POLD3: variants seen among roughly 807,000 people sequenced by gnomAD.
POLD3 encodes the protein DNA polymerase delta 3, accessory subunit.
In POLD3, 19 loss-of-function variants were observed where a neutral mutation model predicts 58.2. That is an observed-to-expected ratio of 0.33 (90% CI 0.23 to 0.48). POLD3 has a LOEUF of 0.48. Among genes scored for constraint, POLD3 ranks in the 20% least tolerant of loss-of-function variants. The pLI is 0.99. For synonymous variants in POLD3, 172 were observed against 193.5 expected (o/e 0.89, Z 0.92); for missense variants, 504 against 545.5 (o/e 0.92, Z 0.76).
At chr11:74,609,370 ATATTTTTTTTTTTT>A (rs1298828503) in intron 3 of POLD3, among the ~76,000 whole-genome samples, 10 of 18,118 alleles carry the variant, frequency 5.5e-4, no homozygotes, top group African/African-American at 1.7e-3. Flanking sequence ...ATATATATAT[ATATTTTTTTTTTTT>A]TTTTTTTTTT....
At chr11:74,644,179 G>A (rs1395451035), downstream of POLD3, among the ~76,000 whole-genome samples, 1 of 152,174 alleles carries the variant, frequency 6.6e-6, no homozygotes, top group Non-Finnish European at 1.5e-5. Context: ...ACAGGAGAGG[G>A]CTGAAGAGAA....
At chr11:74,630,919 A>G (rs1258888051) in intron 9 of POLD3, among the ~76,000 whole-genome samples, 2 of 152,238 alleles carry the variant, frequency 1.3e-5, no homozygotes, top group Admixed American at 1.3e-4. Flanking sequence ...TTGGGTGATT[A>G]GAAATGTGAG....
chr11:74,592,601 G>T lies in POLD3; in HGVS notation c.-58G>T, dbSNP rs561986878. The stretch of plus-strand genomic sequence containing the variant: ...GGGAGCAAAGACGTTTCCCGCCGGC[G>T]GGAGCTGTGGCTGTGATTGAGAGAG... On this transcript the variant is annotated 5_prime_UTR_variant, in exon 1 of 12. Transcript: ENST00000263681. 146 of 1,604,096 alleles carry T rather than the reference G, an allele frequency of 9.1e-5. No homozygotes were observed. The African/African-American group carries it at 1.7e-3, about 18-fold the overall frequency.
intron 4 of POLD3, among the ~76,000 whole-genome samples, chr11:74,651,756 C>T (rs1422741296): frequency 2.6e-5 from 4 of 152,146 alleles, no homozygotes; most frequent in African/African-American, 9.7e-5. Flanking sequence ...TGGTGACCAA[C>T]AGGGAGGTCA....
chr11:74,610,860 C>T (rs895557924), intron 3 of POLD3, among the ~76,000 whole-genome samples: 8 of 151,722 alleles, frequency 5.3e-5, no homozygotes, highest in South Asian at 2.1e-4. Flanking sequence ...TTGCAACCTC[C>T]GCCTCCCAGG....
At chr11:74,653,303 T>C (rs1432287769) in intron 4 of POLD3, among the ~76,000 whole-genome samples, 1 of 47,600 alleles carries the variant, frequency 2.1e-5, no homozygotes, top group East Asian at 5.2e-4. Context: ...AAAGTTGTAT[T>C]TCAAATACCT....
intron 3 of POLD3, among the ~76,000 whole-genome samples, chr11:74,609,372 A>ATATTTTTTTTTTTTTTTT: frequency 3.7e-5 from 1 of 27,210 alleles, no homozygotes; most frequent in Non-Finnish European, 6.1e-5. Flanking sequence ...ATATATATAT[A>ATATTTTTTTTTTTTTTTT]TTTTTTTTTT....
chr11:74,622,264 C>T (rs988200931), intron 7 of POLD3, among the ~76,000 whole-genome samples: 1 of 151,560 alleles, frequency 6.6e-6, no homozygotes, highest in African/African-American at 2.4e-5. Context: ...TTAATCCAGT[C>T]TATCATTGTT....
chr11:74,606,970 T>G (rs1456930931), intron 3 of POLD3, among the ~76,000 whole-genome samples: 1 of 152,104 alleles, frequency 6.6e-6, no homozygotes, highest in East Asian at 1.9e-4. Flanking sequence ...TTGAAGTGGT[T>G]GTGAGGATTT....
chr11:74,652,786 T>A (rs2033083452), intron 4 of POLD3: 2 of 158,474 alleles, frequency 1.3e-5, no homozygotes, highest in South Asian at 3.4e-4. Context: ...TAATTGGAGA[T>A]CCTAACTTGG....
In POLD3 at chr11:74,648,591, C is replaced by T. The variant is rs142942144; in HGVS notation, c.369+12316C>T. Among the ~76,000 whole-genome samples the T allele has an allele frequency of 3.3e-5, 5 of 152,218 alleles. No homozygotes were observed. The East Asian group carries it at 9.7e-4, about 29-fold the overall frequency. On this transcript the variant is annotated intron_variant, in intron 4 of 4. Transcript: ENST00000524752. The stretch of plus-strand genomic sequence containing the variant: ...GGCATACCAGGCAGAAGGAACAGGA[C>T]ATACAAAGGCATGGACACACAAGAA...
intron 4 of POLD3, among the ~76,000 whole-genome samples, chr11:74,654,808 G>GA (rs1188365194): frequency 3.3e-5 from 5 of 150,852 alleles, no homozygotes; most frequent in African/African-American, 1.2e-4. Context: ...GGTATTGAAA[G>GA]AAAAAATAGC....
At chr11:74,654,595 C>T (rs2033109662) in intron 4 of POLD3, among the ~76,000 whole-genome samples, 1 of 152,148 alleles carries the variant, frequency 6.6e-6, no homozygotes, top group Non-Finnish European at 1.5e-5. Flanking sequence ...TGAAAAACTA[C>T]TGACCCTCAA....
intron 9 of POLD3, 76 bp from the exon 10 acceptor site, chr11:74,634,507 T>G (rs1232569292): frequency 1.2e-6 from 1 of 821,606 alleles, no homozygotes; most frequent in African/African-American, 1.7e-5. Context: ...CATGTCAATT[T>G]AGAGAACCAA....
intron 4 of POLD3, among the ~76,000 whole-genome samples, chr11:74,651,566 G>A (rs1034331699): frequency 1.3e-5 from 2 of 152,196 alleles, no homozygotes; most frequent in African/African-American, 4.8e-5. Flanking sequence ...GATCTGTACA[G>A]GGCACTAGGA....
chr11:74,655,651 A>G (rs528689343), intron 4 of POLD3, among the ~76,000 whole-genome samples: 33 of 133,042 alleles, frequency 2.5e-4, no homozygotes, highest in Non-Finnish European at 4.6e-5. Context: ...CAACACCTAT[A>G]TTTGACCAAA....
At chr11:74,608,530 G>C (rs1365379091) in intron 3 of POLD3, among the ~76,000 whole-genome samples, 1 of 152,134 alleles carries the variant, frequency 6.6e-6, no homozygotes. Flanking sequence ...TAGGCTCTGG[G>C]TTTGTGGATG....
intron 7 of POLD3, among the ~76,000 whole-genome samples, chr11:74,624,047 A>G (rs1007110224): frequency 6.6e-6 from 1 of 152,216 alleles, no homozygotes; most frequent in Non-Finnish European, 1.5e-5. Flanking sequence ...ATCCATAGGT[A>G]GGTAGGAAGT....
Position 74,642,069 on chromosome 11 carries a change from G to A in POLD3, c.*1303G>A, listed in dbSNP as rs2135186806. ...CTGCTGATGTGTCTCACACGTAGCA[G>A]ACAAGGGGTGTCTGACTGGCTTCTT... On this transcript the variant is annotated 3_prime_UTR_variant, in exon 12 of 12. Coordinates refer to ENST00000263681, the MANE Select transcript of POLD3 (RefSeq NM_006591.3). The A allele has an allele frequency of 1.0e-6, 1 of 985,488 alleles. No individual in the cohort carries two copies. Among genetic ancestry groups the A allele is most frequent in the Non-Finnish European group, 1.2e-6 (1 of 829,958 alleles). The allele number at this position is 985,488 out of a possible 1,614,324, so 61.0% of individuals were successfully genotyped here. A position where few individuals can be genotyped will look rare whatever the true frequency, so the allele number is the denominator to read the frequency against.
Sources: gnomAD v4.1 joint callset for allele counts (sites outside exome capture counted in the v4.1 genomes callset) on GRCh38, gnomAD v4.1.1 for gene constraint, MANE v1.5 for transcripts, NCBI Gene and HGNC (gene_info 2026-07-23, HGNC 2026-07-21) for gene names.